GLMN: variants seen among roughly 807,000 people sequenced by gnomAD.
GLMN encodes glomulin, FKBP associated protein.
GLMN carries 75 observed loss-of-function variants against 87.8 expected under a neutral mutation model. The observed-to-expected ratio is 0.85, with a 90% CI of 0.71 to 1.04. The LOEUF is 1.04. Among genes scored for constraint, GLMN ranks in the 50% least tolerant of loss-of-function variants. The pLI is 0.00. For missense variants in GLMN, 588 were observed against 658.8 expected (o/e 0.89, Z 1.18); for synonymous variants, 206 against 221.6 (o/e 0.93, Z 0.63).
intron 16 of GLMN, among the ~76,000 whole-genome samples, chr1:92,249,566 TATA>T (rs1304250646): frequency 2.6e-5 from 4 of 152,178 alleles, no homozygotes; most frequent in East Asian, 1.9e-4. Context: ...GTATAAAATG[TATA>T]ATAATGTCAG....
the GLMN span, among the ~76,000 whole-genome samples, chr1:92,307,474 T>A: frequency 6.6e-6 from 1 of 152,202 alleles, no homozygotes; most frequent in Non-Finnish European, 1.5e-5. Context: ...CATACAAATG[T>A]TATTTGTTTG....
rs2100916637 is a variant in GLMN, at chr1:92,269,728, C to CA, written c.971dup (p.Leu324PhefsTer19). Reference sequence around the variant, plus strand: ...TACCATCTAAACGATCTTACCTTTGCAAAAAGACTTCAATGTGCCCCATAT... The same window carrying CA: ...TACCATCTAAACGATCTTACCTTTGCAAAAAAGACTTCAATGTGCCCCATAT... On this transcript the variant is annotated frameshift_variant, in exon 9 of 19. Transcript: ENST00000370360. LOFTEE classifies it high-confidence loss of function. The CA allele has an allele frequency of 1.2e-6, 2 of 1,606,892 alleles. No homozygotes were observed. Among genetic ancestry groups the CA allele is most frequent in the Non-Finnish European group, 8.5e-7 (1 of 1,173,666 alleles).
At chr1:92,307,219 C>T in the GLMN span, 64 of 1,611,972 alleles carry the variant, frequency 4.0e-5, no homozygotes, top group Non-Finnish European at 5.3e-5. Context: ...TATCAAGCAT[C>T]TAAGTTTTTT....
In GLMN at chr1:92,291,463, ATCC is replaced by A. The variant is rs1557568079; in HGVS notation, c.237_239del (p.Glu79del). 5.0e-6 allele frequency: 8 copies of A among 1,598,480 alleles called. No individual in the cohort carries two copies. The highest frequency in any genetic ancestry group is 6.9e-6 in the Non-Finnish European group (8 of 1,165,798). On this transcript the variant is annotated inframe_deletion, in exon 4 of 19. Coordinates refer to ENST00000370360, the MANE Select transcript of GLMN (RefSeq NM_053274.3). ...TCAAAAAATAAACTTTTCTTTTACT[ATCC>A]TCTTTATCTTTACACAAAAGGCATC...
intron 3 of GLMN, among the ~76,000 whole-genome samples, chr1:92,292,727 CTTTTCTT>C (rs1557570050): frequency 7.8e-6 from 1 of 128,694 alleles, no homozygotes; most frequent in African/African-American, 2.7e-5. Context: ...CCCGTCTTTT[CTTTTCTT>C]TTTTTTTTTT....
chr1:92,337,740 T>C, the GLMN span, among the ~76,000 whole-genome samples: 1 of 152,142 alleles, frequency 6.6e-6, no homozygotes, highest in African/African-American at 2.4e-5. Context: ...TGTTTATATA[T>C]AATTTAGGAA....
At position 92,286,582 on chromosome 1, in the gene GLMN, T is replaced by C. The variant is rs1648780640; in HGVS notation, c.643A>G (p.Ser215Gly). Residue 215 changes from serine to glycine, a missense_variant, in exon 7 of 19, where the codon AGC (serine) becomes GGC (glycine). Transcript: ENST00000370360. ...KDELLKFCFKSLKCPLLTAQF... is the reference protein window; with the variant it reads ...KDELLKFCFKGLKCPLLTAQF... ...GCTGTCAGCAAAGGGCATTTCAAGC[T>C]TTTGAAACAACTAAGGCATAAGAAA... The C allele has an allele frequency of 6.4e-7, 1 of 1,571,234 alleles. No individual in the cohort carries two copies. The highest frequency in any genetic ancestry group is 1.3e-5 in the African/African-American group (1 of 74,254).
chr1:92,267,336 A>G (rs1488345246), intron 11 of GLMN, among the ~76,000 whole-genome samples: 2 of 152,234 alleles, frequency 1.3e-5, no homozygotes, highest in African/African-American at 4.8e-5. Flanking sequence ...ATGCTTTTCT[A>G]CTGGATGCTG....
the GLMN span, among the ~76,000 whole-genome samples, chr1:92,320,034 T>G: frequency 6.6e-6 from 1 of 151,866 alleles, no homozygotes; most frequent in Non-Finnish European, 1.5e-5. Flanking sequence ...AGTTAAACAT[T>G]TAGGTAATGG....
the GLMN span, among the ~76,000 whole-genome samples, chr1:92,309,346 GT>G: frequency 6.6e-6 from 1 of 151,302 alleles, no homozygotes. Context: ...GGAGGCTGAG[GT>G]AGGAGAATTG....
chr1:92,274,023 A>G (rs531914350), intron 7 of GLMN, among the ~76,000 whole-genome samples: 4 of 152,188 alleles, frequency 2.6e-5, no homozygotes, highest in Non-Finnish European at 5.9e-5. Context: ...CAAAGTGAGG[A>G]TGGCTGAGGC....
the GLMN span, among the ~76,000 whole-genome samples, chr1:92,325,858 G>A: frequency 3.3e-5 from 5 of 151,890 alleles, no homozygotes; most frequent in Admixed American, 2.6e-4. Context: ...AGTCATTTGT[G>A]TTGTTGCATA....
chr1:92,323,363 TG>T, the GLMN span: 1 of 945,034 alleles, frequency 1.1e-6, no homozygotes, highest in Non-Finnish European at 1.6e-6. Flanking sequence ...ATAAATACTA[TG>T]GGGTACTTTA....
chr1:92,289,048 T>C lies in GLMN; in HGVS notation c.498A>G (p.Ile166Met). The C allele has an allele frequency of 6.2e-7, 1 of 1,610,632 alleles. No homozygotes were observed. The stretch of plus-strand genomic sequence containing the variant: ...GACAAAGGCCATAGTCATCCATTTG[T>C]ATTTGTTCTTTTGAGTATGGAACAG... The part of the protein sequence containing the change: ...LLPVPYSKEQ[I>M]QMDDYGLCQC... The change falls in exon 6 of 19, where the codon ATA becomes ATG. Residue 166 changes from isoleucine (I) to methionine (M), a missense_variant. Physicochemically the swap from Ile to Met is conservative, Grantham distance 10. Transcript: ENST00000370360.
chr1:92,253,948 G>GTTGAGTAA (rs1442668514), intron 16 of GLMN, among the ~76,000 whole-genome samples: 5 of 152,166 alleles, frequency 3.3e-5, no homozygotes, highest in Non-Finnish European at 7.4e-5. Flanking sequence ...GGCTTCAGAA[G>GTTGAGTAA]TTGAGTAATA....
At chr1:92,324,282 A>C in the GLMN span, 57 of 1,614,120 alleles carry the variant, frequency 3.5e-5, no homozygotes, top group Non-Finnish European at 4.7e-5. Flanking sequence ...ATTTGAAAAA[A>C]GAAACTGAAA....
At chr1:92,345,080 T>C in the GLMN span, among the ~76,000 whole-genome samples, 2 of 152,186 alleles carry the variant, frequency 1.3e-5, no homozygotes, top group Admixed American at 1.3e-4. Flanking sequence ...TAAAGACCTA[T>C]TCTTATAATT....
chr1:92,264,447 A>G (rs1033407844), intron 14 of GLMN, 107 bp downstream of exon 14: 3 of 653,492 alleles, frequency 4.6e-6, no homozygotes, highest in Admixed American at 2.7e-5. Context: ...TATTTAAGTA[A>G]TAGTAATACT....
the GLMN span, among the ~76,000 whole-genome samples, chr1:92,370,701 C>T: frequency 6.6e-6 from 1 of 151,436 alleles, no homozygotes; most frequent in Non-Finnish European, 1.5e-5. Context: ...TTTGGTGAGA[C>T]TTTAAAAAAA....
Sources: gnomAD v4.1 joint callset for allele counts (sites outside exome capture counted in the v4.1 genomes callset) on GRCh38, gnomAD v4.1.1 for gene constraint, MANE v1.5 for transcripts, NCBI Gene and HGNC (gene_info 2026-07-23, HGNC 2026-07-21) for gene names.